PYHIN1: variants seen among roughly 807,000 people sequenced by gnomAD.
The protein encoded by PYHIN1 is pyrin and HIN domain-containing protein 1.
A neutral mutation model predicts 43.7 loss-of-function variants in PYHIN1; 32 were observed. The ratio of observed to expected loss-of-function variants is 0.73; its 90% CI spans 0.55 to 0.98. The LOEUF (loss-of-function observed/expected upper bound fraction) is 0.98. PYHIN1 is among the 50% of genes least tolerant of loss of function. PYHIN1 has a pLI of 0.00. For synonymous variants in PYHIN1, 205 were observed against 203.1 expected (o/e 1.01, Z -0.08); for missense variants, 588 against 589.5 (o/e 1.00, Z 0.03).
intron 6 of PYHIN1, 76 bp from the exon 7 acceptor site, chr1:158,944,799 A>G: frequency 9.1e-7 from 1 of 1,098,040 alleles, no homozygotes; most frequent in African/African-American, 1.6e-5. Flanking sequence ...ATAAAGGATG[A>G]TATTCTCACA....
downstream of PYHIN1, among the ~76,000 whole-genome samples, chr1:158,978,474 C>A (rs561193304): frequency 1.2e-3 from 186 of 152,186 alleles, no homozygotes; most frequent in African/African-American, 4.2e-3. Context: ...TCACAAACTG[C>A]TAAAACATCC....
chr1:158,944,836 AT>A (rs1306808767), intron 6 of PYHIN1, 38 bp from the exon 7 acceptor site: 1 of 1,440,644 alleles, frequency 6.9e-7, no homozygotes, highest in African/African-American at 1.5e-5. Flanking sequence ...GCTTTCCCTA[AT>A]ATTAAAAAAC....
chr1:158,967,323 A>G (rs1213810534), intron 7 of PYHIN1, among the ~76,000 whole-genome samples: 1 of 152,042 alleles, frequency 6.6e-6, no homozygotes, highest in Non-Finnish European at 1.5e-5. Flanking sequence ...TAATGAGGCA[A>G]TCATTTCATT....
At chr1:158,970,643 A>G (rs1449832905) in intron 7 of PYHIN1, among the ~76,000 whole-genome samples, 7 of 151,992 alleles carry the variant, frequency 4.6e-5, no homozygotes, top group Admixed American at 1.3e-4. Context: ...TAGCTTATTT[A>G]ATATTTTACC....
the PYHIN1 span, among the ~76,000 whole-genome samples, chr1:158,984,946 G>GTT: frequency 7.5e-5 from 11 of 147,288 alleles, no homozygotes; most frequent in South Asian, 2.2e-4. Flanking sequence ...TTTAAGGTCT[G>GTT]TTTTTTTTTT....
chr1:158,941,632 A>G (rs1286346575), intron 4 of PYHIN1, among the ~76,000 whole-genome samples: 1 of 152,218 alleles, frequency 6.6e-6, no homozygotes, highest in Non-Finnish European at 1.5e-5. Context: ...TGGCATTTTA[A>G]GCTGGTAAGA....
Position 158,933,506 on chromosome 1 carries a change from T to C in PYHIN1, c.-21+1730T>C, listed in dbSNP as rs1193494949. Among the ~76,000 whole-genome samples, 2 of 152,006 alleles carry C rather than the reference T, an allele frequency of 1.3e-5. No homozygotes were observed. Among genetic ancestry groups the C allele is most frequent in the African/African-American group, 4.8e-5 (2 of 41,436 alleles). On this transcript the variant is annotated intron_variant, in intron 1 of 8. Coordinates refer to ENST00000368140, the MANE Select transcript of PYHIN1 (RefSeq NM_152501.5). This position sits in a 1 kb window ranked among gnomAD's most constrained non-coding sequence, Gnocchi z 6.3. ...CTTCTAGTTTCTCCTTGCATGATAA[T>C]TTAAATTTTTTTTCATCTTTCAGTG...
At chr1:158,974,751 C>G (rs756168727) in intron 8 of PYHIN1, among the ~76,000 whole-genome samples, 21 of 151,904 alleles carry the variant, frequency 1.4e-4, no homozygotes, top group Non-Finnish European at 2.8e-4. Flanking sequence ...TCACATTTTC[C>G]TCAATAAATT....
chr1:158,949,226 A>C (rs1469210023), intron 7 of PYHIN1, among the ~76,000 whole-genome samples: 1 of 152,146 alleles, frequency 6.6e-6, no homozygotes, highest in Non-Finnish European at 1.5e-5. Flanking sequence ...TGATGCCATG[A>C]TGGATGAGGA....
At chr1:158,953,745 G>C (rs1031385221) in intron 7 of PYHIN1, among the ~76,000 whole-genome samples, 14 of 152,244 alleles carry the variant, frequency 9.2e-5, no homozygotes, top group African/African-American at 3.1e-4. Context: ...AACAAAGCTG[G>C]ATGGAGAATG....
chr1:158,972,491 CATT>C (rs1328968284), intron 7 of PYHIN1, among the ~76,000 whole-genome samples: 2 of 151,774 alleles, frequency 1.3e-5, no homozygotes, highest in African/African-American at 2.4e-5. Flanking sequence ...GACCTAAAGA[CATT>C]ATTGTGATTT....
Position 158,976,851 on chromosome 1 carries a change from T to TATATGTATAC in PYHIN1, c.*160_*161insGTATACATAT, listed in dbSNP as rs1350191402. The TATATGTATAC allele has an allele frequency of 3.8e-6, 1 of 262,192 alleles. No individual in the cohort carries two copies. Among genetic ancestry groups the TATATGTATAC allele is most frequent in the Non-Finnish European group, 6.7e-6 (1 of 148,556 alleles). The allele number at this position is 262,192 out of a possible 1,614,324, so 16.2% of individuals were successfully genotyped here. The stretch of plus-strand genomic sequence containing the variant: ...AAGCACAGAAAATAATATATGTATA[T>TATATGTATAC]ATATCTGGTTGAAATACTATATATA... On this transcript the variant is annotated 3_prime_UTR_variant, in exon 9 of 9. Transcript: ENST00000368140.
rs375227792 is a variant in PYHIN1, at chr1:158,973,746, C to T, written c.1459C>T (p.Arg487Cys). The T allele has an allele frequency of 2.2e-5, 35 of 1,613,064 alleles. No individual in the cohort carries two copies. In the Admixed American group the frequency reaches 3.7e-4, roughly 17 times the overall value. Residue 487 changes from arginine to cysteine, a missense_variant, in exon 8 of 9, where the codon CGC (arginine) becomes TGC (cysteine). Physicochemically the swap from Arg to Cys is radical, Grantham distance 180. Transcript: ENST00000368140. The part of the protein sequence containing the change: ...PPLSSDTSTN[R>C]HPAVP ...TCTTTCTTCTGACACTTCCACCAAC[C>T]GCCATCCAGCAGTTCCTTAAATAAG... is the stretch of plus-strand genomic sequence containing the variant.
At chr1:158,980,734 G>A (rs1441902569), downstream of PYHIN1, among the ~76,000 whole-genome samples, 3 of 152,094 alleles carry the variant, frequency 2.0e-5, no homozygotes, top group African/African-American at 7.2e-5. Context: ...TACATGCACC[G>A]CTGAACATAG....
the PYHIN1 span, among the ~76,000 whole-genome samples, chr1:158,984,835 T>C: frequency 6.6e-6 from 1 of 152,202 alleles, no homozygotes; most frequent in East Asian, 1.9e-4. Flanking sequence ...GTTGTGCCAG[T>C]GCTGAATGCA....
chr1:158,938,613 C>A, intron 3 of PYHIN1, 71 bp downstream of exon 3: 1 of 1,515,858 alleles, frequency 6.6e-7, no homozygotes, highest in Non-Finnish European at 9.0e-7. Flanking sequence ...TCCACTCAAT[C>A]TGTCCAGCAG....
downstream of PYHIN1, among the ~76,000 whole-genome samples, chr1:158,978,967 C>T (rs1162982274): frequency 6.6e-6 from 1 of 152,150 alleles, no homozygotes; most frequent in Non-Finnish European, 1.5e-5. Context: ...GAGATCTAAC[C>T]TACCCTCATA....
chr1:158,988,521 A>T, the PYHIN1 span, among the ~76,000 whole-genome samples: 1 of 152,186 alleles, frequency 6.6e-6, no homozygotes, highest in Admixed American at 6.6e-5. Context: ...AGAAATATAA[A>T]TGTTAAAGAC....
chr1:158,942,139 C>A lies in PYHIN1; in HGVS notation c.742C>A (p.Gln248Lys). 1 of 1,614,074 alleles carries A rather than the reference C, an allele frequency of 6.2e-7. No homozygotes were observed. The highest frequency in any genetic ancestry group is 1.7e-5 in the Admixed American group (1 of 60,026). ...TCATGCTACAGTGGCTACGCAGACA[C>A]AGTTCTTTCATGTGAAGGTTTTAAA... is the stretch of plus-strand genomic sequence containing the variant. The part of the protein sequence containing the change: ...MFHATVATQT[Q>K]FFHVKVLNIN... Residue 248 changes from glutamine to lysine, a missense_variant, in exon 5 of 9, where the codon CAG (glutamine) becomes AAG (lysine). Coordinates refer to ENST00000368140, the MANE Select transcript of PYHIN1 (RefSeq NM_152501.5).
Sources: gnomAD v4.1 joint callset for allele counts (sites outside exome capture counted in the v4.1 genomes callset) on GRCh38, gnomAD v4.1.1 for gene constraint, Gnocchi (gnomAD v3.1) non-coding constraint, MANE v1.5 for transcripts, NCBI Gene and HGNC (gene_info 2026-07-23, HGNC 2026-07-21) for gene names.